Variants in ZNF469 observed in about 807,000 individuals in gnomAD.
The protein encoded by ZNF469 is zinc finger protein 469.
Under a neutral mutation model 1.0 loss-of-function variants are expected in ZNF469, and 1 was observed. The ratio of observed to expected loss-of-function variants is 1.00; its 90% CI spans 0.35 to 4.73. The LOEUF (loss-of-function observed/expected upper bound fraction) is 4.73, where lower values mean the gene tolerates loss of function less well. ZNF469 is among the 30% of genes most tolerant of loss of function. The pLI is 0.16. For synonymous variants in ZNF469, 2,703 were observed against 2,363.4 expected (o/e 1.14, Z -4.17); for missense variants, 6,100 against 5,356.3 (o/e 1.14, Z -4.33).
chr16:88,431,342 G>A lies in ZNF469; in HGVS notation c.3872G>A (p.Gly1291Glu). The A allele has an allele frequency of 1.9e-6, 3 of 1,549,564 alleles. No homozygotes were observed. The highest frequency in any genetic ancestry group is 2.6e-6 in the Non-Finnish European group (3 of 1,146,596). The change falls in exon 3 of 3, where the codon GGA becomes GAA. Residue 1291 changes from glycine to glutamate, a missense_variant. Gly to Glu is a moderately conservative substitution (Grantham distance 98, BLOSUM62 -2). Transcript: ENST00000565624. ...SGSLANTAPHGSSPTPGVGSL... is the reference protein window; with the variant it reads ...SGSLANTAPHESSPTPGVGSL... ...AGCCTCGCCAACACGGCGCCCCACG[G>A]AAGCTCGCCAACGCCAGGTGTGGGC...
Position 88,430,932 on chromosome 16 carries a change from C to T in ZNF469, c.3462C>T (p.Asn1154=), listed in dbSNP as rs748507690. 3.3e-6 allele frequency: 5 copies of T among 1,535,868 alleles called. No individual in the cohort carries two copies. In the South Asian group the frequency reaches 3.6e-5, roughly 11 times the overall value. ...QEAGGDGAPA[N]PEEPGGSRPG... Reference sequence around the variant, plus strand: ...CCGGCGGGGACGGAGCCCCCGCGAACCCCGAGGAGCCGGGCGGGTCTCGCC... The same window carrying T: ...CCGGCGGGGACGGAGCCCCCGCGAATCCCGAGGAGCCGGGCGGGTCTCGCC... The change falls in exon 3 of 3, where the codon AAC becomes AAT. Residue 1154 remains asparagine (N), a synonymous_variant. Transcript: ENST00000565624.
upstream of ZNF469, among the ~76,000 whole-genome samples, chr16:88,378,718 T>C (rs1039704872): frequency 6.6e-6 from 1 of 152,186 alleles, no homozygotes; most frequent in Non-Finnish European, 1.5e-5. Flanking sequence ...GCTCGACCAC[T>C]AACTGCCACA....
the ZNF469 span, among the ~76,000 whole-genome samples, chr16:88,280,345 C>T: frequency 1.3e-5 from 2 of 152,028 alleles, no homozygotes; most frequent in African/African-American, 4.8e-5. Context: ...GCTACGCCGA[C>T]ACTTGGTCAG....
chr16:88,204,545 A>G, the ZNF469 span, among the ~76,000 whole-genome samples: 1 of 152,236 alleles, frequency 6.6e-6, no homozygotes, highest in Non-Finnish European at 1.5e-5. Flanking sequence ...GAGAGAAAAG[A>G]TGTCTGACTT....
chr16:88,375,592 A>G, the ZNF469 span, among the ~76,000 whole-genome samples: 1 of 152,168 alleles, frequency 6.6e-6, no homozygotes, highest in Non-Finnish European at 1.5e-5. Flanking sequence ...GCCTCTGCTC[A>G]TCCTTCCCAC....
intron 1 of ZNF469, among the ~76,000 whole-genome samples, chr16:88,385,951 C>G (rs775553565): frequency 2.0e-5 from 3 of 152,154 alleles, no homozygotes; most frequent in Non-Finnish European, 4.4e-5. Context: ...CAGGAGACTC[C>G]GTGGGACCTG....
the ZNF469 span, among the ~76,000 whole-genome samples, chr16:88,151,027 T>C: frequency 2.7e-4 from 41 of 152,312 alleles, no homozygotes; most frequent in East Asian, 7.5e-3. The surrounding 1 kb of genome is among the most constrained non-coding windows in gnomAD (Gnocchi z 5.4). Flanking sequence ...GACTCACTAA[T>C]GAAAATGGCA....
the ZNF469 span, among the ~76,000 whole-genome samples, chr16:88,351,369 C>T: frequency 6.6e-6 from 1 of 152,324 alleles, no homozygotes; most frequent in Admixed American, 6.5e-5. Context: ...GTGCAGGCCT[C>T]CATCACCCCA....
chr16:88,246,394 G>T, the ZNF469 span, among the ~76,000 whole-genome samples: 2 of 152,190 alleles, frequency 1.3e-5, no homozygotes, highest in Admixed American at 6.5e-5. Context: ...AGGAGCTGGG[G>T]GACCAGGAAC....
chr16:88,283,003 C>A, the ZNF469 span, among the ~76,000 whole-genome samples: 1 of 152,316 alleles, frequency 6.6e-6, no homozygotes, highest in African/African-American at 2.4e-5. Context: ...GCGATTCCCT[C>A]CGGAGTTTGG....
At chr16:88,187,715 A>ATTTT in the ZNF469 span, among the ~76,000 whole-genome samples, 86 of 140,188 alleles carry the variant, frequency 6.1e-4, 1 homozygote, top group Middle Eastern at 3.7e-3. Flanking sequence ...GATTGCCTGC[A>ATTTT]TTTTTTTTTT....
the ZNF469 span, among the ~76,000 whole-genome samples, chr16:88,266,504 C>T: frequency 0.54 from 79,801 of 148,860 alleles, 21,849 homozygotes; most frequent in East Asian, 0.72. Context: ...AATGTAGAGG[C>T]GAATTTCCAA....
chr16:88,407,583 C>T (rs545273770), intron 1 of ZNF469, among the ~76,000 whole-genome samples: 8 of 152,366 alleles, frequency 5.3e-5, no homozygotes, highest in African/African-American at 1.7e-4. Context: ...TCCTTGTCCC[C>T]GTTTTGTGCA....
the ZNF469 span, among the ~76,000 whole-genome samples, chr16:88,202,650 AAG>A: frequency 6.6e-6 from 1 of 152,132 alleles, no homozygotes; most frequent in South Asian, 2.1e-4. Context: ...GAGTTTCTGG[AAG>A]AGACCTTAGG....
chr16:88,246,405 C>G, the ZNF469 span, among the ~76,000 whole-genome samples: 1 of 152,026 alleles, frequency 6.6e-6, no homozygotes, highest in Non-Finnish European at 1.5e-5. Context: ...GACCAGGAAC[C>G]CCATCTCAGA....
At chr16:88,361,260 G>A in the ZNF469 span, among the ~76,000 whole-genome samples, 1 of 152,168 alleles carries the variant, frequency 6.6e-6, no homozygotes, top group Non-Finnish European at 1.5e-5. Context: ...GGGAGTGGAC[G>A]TAAATACAGA....
the ZNF469 span, among the ~76,000 whole-genome samples, chr16:88,260,421 C>T: frequency 6.6e-6 from 1 of 152,340 alleles, no homozygotes; most frequent in African/African-American, 2.4e-5. The surrounding 1 kb of genome is among the most constrained non-coding windows in gnomAD (Gnocchi z 4.1). Context: ...GCCACGGTTG[C>T]ATCTCCGGCC....
At chr16:88,138,054 A>C in the ZNF469 span, among the ~76,000 whole-genome samples, 1 of 152,164 alleles carries the variant, frequency 6.6e-6, no homozygotes, top group African/African-American at 2.4e-5. Context: ...GGGAGTGCCC[A>C]TCTCACTCAG....
chr16:88,299,977 C>T, the ZNF469 span, among the ~76,000 whole-genome samples: 1 of 152,178 alleles, frequency 6.6e-6, no homozygotes, highest in Admixed American at 6.5e-5. Context: ...CCAGGTCTCT[C>T]CCCGGGGAGC....
Sources: gnomAD v4.1 joint callset for allele counts (sites outside exome capture counted in the v4.1 genomes callset) on GRCh38, gnomAD v4.1.1 for gene constraint, Gnocchi (gnomAD v3.1) non-coding constraint, MANE v1.5 for transcripts, NCBI Gene and HGNC (gene_info 2026-07-23, HGNC 2026-07-21) for gene names.